Variants in OCA2 observed in about 807,000 individuals in gnomAD.
OCA2 encodes the protein P protein.
OCA2 carries 77 observed loss-of-function variants against 100.2 expected under a neutral mutation model. The ratio of observed to expected loss-of-function variants is 0.77; its 90% CI spans 0.64 to 0.93. OCA2 has a LOEUF of 0.93. OCA2 is among the 40% of genes least tolerant of loss of function. The pLI, the probability that OCA2 is intolerant of heterozygous loss-of-function variation, is 0.00. For synonymous variants in OCA2, 432 were observed against 439.2 expected, an observed-to-expected ratio of 0.98 and a Z score of 0.21; for missense variants, 1,062 against 1,089.1, an observed-to-expected ratio of 0.98 and a Z score of 0.35.
intron 11 of OCA2, among the ~76,000 whole-genome samples, chr15:27,989,108 G>A (rs985536724): frequency 1.3e-5 from 2 of 152,132 alleles, no homozygotes; most frequent in African/African-American, 4.8e-5. Context: ...ACTCACACTA[G>A]TGAGTCCCAC....
At position 27,987,583 on chromosome 15, in the gene OCA2, G is replaced by A. The variant is rs557924698; in HGVS notation, c.1183-940C>T. ...AAAAAAAAAAAAATACAAAAAATTA[G>A]CTGGGTGGGGTGGCGGGCGCCTGTA... On this transcript the variant is annotated intron_variant, in intron 11 of 23. Coordinates refer to ENST00000354638, the MANE Select transcript of OCA2 (RefSeq NM_000275.3). 7.3e-5 allele frequency among the ~76,000 whole-genome samples: 11 copies of A among 150,868 alleles called. 1 individual carries two copies. In the South Asian group the frequency reaches 1.9e-3, roughly 26 times the overall value.
chr15:27,835,756 C>T (rs1271157252), intron 23 of OCA2, among the ~76,000 whole-genome samples: 1 of 152,182 alleles, frequency 6.6e-6, no homozygotes, highest in African/African-American at 2.4e-5. Flanking sequence ...GTGTGAGGCC[C>T]TCATTCTCCA....
chr15:28,070,347 G>A (rs1377807931), intron 2 of OCA2, among the ~76,000 whole-genome samples: 152 of 137,768 alleles, frequency 1.1e-3, no homozygotes, highest in Non-Finnish European at 1.5e-3. Flanking sequence ...CAGCCGCCCC[G>A]TCCGGGAGGT....
At chr15:27,919,058 G>C (rs1739433516) in intron 19 of OCA2, among the ~76,000 whole-genome samples, 1 of 152,120 alleles carries the variant, frequency 6.6e-6, no homozygotes, top group Admixed American at 6.6e-5. Flanking sequence ...AAATAAAATA[G>C]CCAAGACAAT....
chr15:27,748,843 A>T, the OCA2 span, among the ~76,000 whole-genome samples: 1 of 152,230 alleles, frequency 6.6e-6, no homozygotes, highest in Admixed American at 6.5e-5. Flanking sequence ...TAAAATAAAA[A>T]TAAAATACTT....
At chr15:27,934,245 A>G (rs2039369915) in intron 18 of OCA2, among the ~76,000 whole-genome samples, 1 of 136,398 alleles carries the variant, frequency 7.3e-6, no homozygotes, top group Non-Finnish European at 1.7e-5. Flanking sequence ...TCATGCAAAA[A>G]TGTTGGGACC....
intron 21 of OCA2, among the ~76,000 whole-genome samples, chr15:27,867,488 AAAAT>A (rs34523344): frequency 0.016 from 2,373 of 152,328 alleles, 55 homozygotes; most frequent in African/African-American, 0.05. Flanking sequence ...AAAAGAATTT[AAAAT>A]AAATAAATAA....
chr15:27,817,796 T>G (rs1410244678), intron 23 of OCA2, among the ~76,000 whole-genome samples: 7 of 152,142 alleles, frequency 4.6e-5, no homozygotes, highest in Non-Finnish European at 1.0e-4. Context: ...AACAGAAGGG[T>G]TTGCATATAA....
intron 22 of OCA2, among the ~76,000 whole-genome samples, chr15:27,846,897 T>C (rs1213330130): frequency 6.6e-6 from 1 of 152,066 alleles, no homozygotes; most frequent in African/African-American, 2.4e-5. Flanking sequence ...GAAAGGGAGA[T>C]GCGGCTGAGG....
chr15:27,883,709 A>T (rs2037115729), intron 19 of OCA2, among the ~76,000 whole-genome samples: 1 of 152,202 alleles, frequency 6.6e-6, no homozygotes. Flanking sequence ...AGGTACAAGC[A>T]GGCTGATATA....
At chr15:28,017,897 C>T (rs768424907) in intron 7 of OCA2, among the ~76,000 whole-genome samples, 4 of 152,116 alleles carry the variant, frequency 2.6e-5, no homozygotes, top group African/African-American at 9.7e-5. Flanking sequence ...TGACAGCCAC[C>T]GCTTCCTGGC....
Position 28,062,259 on chromosome 15 carries a change from C to T in OCA2, c.227+19389G>A, listed in dbSNP as rs2043895182. ...TTGCCATCTTTTTTATGATAGCCAT[C>T]CTATTGGGTGTCAAATGGCATCTCA... On this transcript the variant is annotated intron_variant, in intron 2 of 23. Transcript: ENST00000354638. 2.0e-5 allele frequency among the ~76,000 whole-genome samples: 3 copies of T among 152,222 alleles called. No homozygotes were observed. In the South Asian group the frequency reaches 6.2e-4, roughly 32 times the overall value.
chr15:27,943,999 G>A (rs1020368515), intron 18 of OCA2, among the ~76,000 whole-genome samples: 9 of 152,150 alleles, frequency 5.9e-5, no homozygotes, highest in South Asian at 2.1e-4. Context: ...GTCATGGGCC[G>A]TGTTCACTCA....
chr15:27,972,365 A>G (rs1466080584), intron 14 of OCA2, among the ~76,000 whole-genome samples: 2 of 152,220 alleles, frequency 1.3e-5, no homozygotes, highest in Admixed American at 6.5e-5. Context: ...GTAGATACCC[A>G]GTGACTGGAT....
At chr15:28,095,347 C>A (rs916884889) in intron 1 of OCA2, among the ~76,000 whole-genome samples, 2 of 152,312 alleles carry the variant, frequency 1.3e-5, no homozygotes, top group East Asian at 3.9e-4. Context: ...AAACGACAGC[C>A]GGCAGCAGGC....
chr15:28,059,866 A>G (rs1364451354), intron 2 of OCA2, among the ~76,000 whole-genome samples: 1 of 152,216 alleles, frequency 6.6e-6, no homozygotes, highest in Non-Finnish European at 1.5e-5. Flanking sequence ...TGTGAAGTCA[A>G]TTAGTACTTA....
chr15:28,070,355 G>A (rs1372488180), intron 2 of OCA2, among the ~76,000 whole-genome samples: 2 of 143,192 alleles, frequency 1.4e-5, no homozygotes, highest in Non-Finnish European at 3.1e-5. Flanking sequence ...CCGTCCGGGA[G>A]GTGAGGGGCA....
chr15:28,065,061 G>A (rs1217919928), intron 2 of OCA2, among the ~76,000 whole-genome samples: 1 of 151,954 alleles, frequency 6.6e-6, no homozygotes, highest in East Asian at 1.9e-4. Context: ...TTCAATACCA[G>A]GAGATTTTAC....
chr15:27,876,462 A>T (rs978583701), intron 19 of OCA2, among the ~76,000 whole-genome samples: 3 of 152,046 alleles, frequency 2.0e-5, no homozygotes, highest in Admixed American at 2.0e-4. Context: ...CTACAAAATA[A>T]GTGGGGAACT....
Sources: gnomAD v4.1 joint callset for allele counts (sites outside exome capture counted in the v4.1 genomes callset) on GRCh38, gnomAD v4.1.1 for gene constraint, MANE v1.5 for transcripts, NCBI Gene and HGNC (gene_info 2026-07-23, HGNC 2026-07-21) for gene names.